The following PKHD1 variants were observed in gnomAD, a reference collection of about 807,000 sequenced individuals.
PKHD1 encodes fibrocystin.
A neutral mutation model predicts 412.0 loss-of-function variants in PKHD1; 291 were observed. That is an observed-to-expected ratio of 0.71 (90% CI 0.64 to 0.78). The LOEUF is 0.78. Ranked by LOEUF, PKHD1 falls within the 30% of genes least tolerant of loss-of-function variation. The pLI, the probability that PKHD1 is intolerant of heterozygous loss-of-function variation, is 0.00. For missense variants in PKHD1, 4,825 were observed against 4,950.7 expected (o/e 0.97, Z 0.76); for synonymous variants, 1,777 against 1,821.5 (o/e 0.98, Z 0.62).
chr6:51,677,498 C>A (rs1776034030), intron 60 of PKHD1, among the ~76,000 whole-genome samples: 1 of 152,140 alleles, frequency 6.6e-6, no homozygotes, highest in Non-Finnish European at 1.5e-5. Context: ...ACTTCAGGAA[C>A]TACAGATCAT....
intron 61 of PKHD1, among the ~76,000 whole-genome samples, chr6:51,655,058 C>T (rs935863196): frequency 6.6e-6 from 1 of 151,896 alleles, no homozygotes; most frequent in African/African-American, 2.4e-5. Context: ...TGCCATCGAC[C>T]CAATTAAACA....
intron 59 of PKHD1, 79 bp from the exon 60 acceptor site, chr6:51,744,621 T>G (rs979459971): frequency 9.4e-6 from 10 of 1,060,952 alleles, no homozygotes; most frequent in Admixed American, 3.4e-5. Flanking sequence ...AGTGCTAATG[T>G]TGTTTAAAAT....
chr6:51,670,264 G>A (rs1068512), intron 60 of PKHD1, among the ~76,000 whole-genome samples: 75,481 of 151,508 alleles, frequency 0.5, 21,539 homozygotes, highest in Non-Finnish European at 0.65. Context: ...AGGATAGTTA[G>A]CTCTTCTTGT....
chr6:52,015,712 T>C (rs1399954343), intron 34 of PKHD1, among the ~76,000 whole-genome samples: 1 of 151,840 alleles, frequency 6.6e-6, no homozygotes, highest in African/African-American at 2.4e-5. Context: ...TAGTCCCAGC[T>C]ACTCAGGAAG....
At chr6:51,867,617 G>A (rs1287238585) in intron 48 of PKHD1, among the ~76,000 whole-genome samples, 1 of 152,110 alleles carries the variant, frequency 6.6e-6, no homozygotes, top group Non-Finnish European at 1.5e-5. Flanking sequence ...AGCCCAAAAT[G>A]TCAATGAGAG....
Position 52,076,339 on chromosome 6 carries a change from T to G in PKHD1, c.391-6A>C. The G allele has an allele frequency of 6.2e-7, 1 of 1,607,372 alleles. No individual in the cohort carries two copies. Among genetic ancestry groups the G allele is most frequent in the Non-Finnish European group, 8.5e-7 (1 of 1,173,932 alleles). On this transcript the variant is annotated splice_region_variant and splice_polypyrimidine_tract_variant and intron_variant, in intron 5 of 66. Transcript: ENST00000371117. ...GGTGTCTGCGCCTTGGAAAACTGTT[T>G]AGAAAATAGTACCACAAGTGAGCAT... is the stretch of plus-strand genomic sequence containing the variant.
At position 51,919,717 on chromosome 6, in the gene PKHD1, G is replaced by A. The variant is rs534905421; in HGVS notation, c.6122-7141C>T. Among the ~76,000 whole-genome samples the A allele has an allele frequency of 1.2e-3, 180 of 152,238 alleles. 1 individual carries two copies. Among genetic ancestry groups the A allele is most frequent in the Middle Eastern group, 0.01 (3 of 294 alleles). ...GGCATTGAATCTATAACTTACCTTG[G>A]GCAGTATGGCCATTTTCACGATATT... On this transcript the variant is annotated intron_variant, in intron 37 of 66. Coordinates refer to ENST00000371117, the MANE Select transcript of PKHD1 (RefSeq NM_138694.4).
chr6:51,881,489 ATATAAT>A (rs1182613206), intron 46 of PKHD1, among the ~76,000 whole-genome samples: 1 of 152,146 alleles, frequency 6.6e-6, no homozygotes, highest in Non-Finnish European at 1.5e-5. Context: ...CACAGTATAA[ATATAAT>A]TATAACCAAA....
chr6:52,019,667 C>T (rs1202933818), intron 33 of PKHD1, among the ~76,000 whole-genome samples: 1 of 152,212 alleles, frequency 6.6e-6, no homozygotes, highest in Non-Finnish European at 1.5e-5. Flanking sequence ...ACCTTAATCA[C>T]TTTAGCTTTC....
At chr6:51,857,486 A>G (rs1773488408) in intron 48 of PKHD1, among the ~76,000 whole-genome samples, 2 of 152,232 alleles carry the variant, frequency 1.3e-5, no homozygotes, top group African/African-American at 4.8e-5. Context: ...TGAAATCTAG[A>G]TTGGCACTCA....
intron 35 of PKHD1, among the ~76,000 whole-genome samples, chr6:52,003,246 T>C (rs1798654786): frequency 6.6e-6 from 1 of 152,152 alleles, no homozygotes; most frequent in South Asian, 2.1e-4. Context: ...ACTTAAACAT[T>C]AGGGTTGTCT....
Position 52,055,622 on chromosome 6 carries a change from C to A in PKHD1, c.1801G>T (p.Ala601Ser), listed in dbSNP as rs1807595406. ...PRHLVLTPPA[A>S]QKGYRLDQYT... ...TGATCTAGCCGATAGCCCTTCTGGG[C>A]AGCCGGGGGAGTAAGGACAAGGTGT... The change falls in exon 19 of 67, where the codon GCC (alanine) becomes TCC (serine). Residue 601 changes from alanine (A) to serine (S), a missense_variant. Ala to Ser is a moderately conservative substitution (Grantham distance 99). Coordinates refer to ENST00000371117, the MANE Select transcript of PKHD1 (RefSeq NM_138694.4). 6.2e-7 allele frequency: 1 copy of A among 1,614,010 alleles called. No homozygotes were observed. The highest frequency in any genetic ancestry group is 8.5e-7 in the Non-Finnish European group (1 of 1,179,908).
intron 49 of PKHD1, among the ~76,000 whole-genome samples, chr6:51,854,598 T>A (rs1445405696): frequency 1.3e-5 from 2 of 152,094 alleles, no homozygotes; most frequent in African/African-American, 4.8e-5. Context: ...CAGGGAGATA[T>A]GAATTCTGTC....
At chr6:51,930,702 AC>A (rs1333287775) in intron 37 of PKHD1, among the ~76,000 whole-genome samples, 2 of 152,246 alleles carry the variant, frequency 1.3e-5, no homozygotes, top group African/African-American at 4.8e-5. Context: ...AATATTAGGA[AC>A]CAAATGTCTG....
intron 60 of PKHD1, among the ~76,000 whole-genome samples, chr6:51,715,057 C>T (rs983381310): frequency 8.6e-5 from 13 of 151,834 alleles, no homozygotes; most frequent in African/African-American, 2.4e-4. Context: ...AAGTCCACTC[C>T]GGCAGAGTAA....
In PKHD1 at chr6:51,981,847, G is replaced by A. The variant is rs1366898253; in HGVS notation, c.5752-21821C>T. Among the ~76,000 whole-genome samples the A allele has an allele frequency of 6.4e-3, 733 of 115,272 alleles. 4 individuals carry two copies. Among genetic ancestry groups the A allele is most frequent in the African/African-American group, 0.017 (667 of 38,620 alleles). The allele number at this position is 115,272 out of a possible 152,430, so 75.6% of individuals were successfully genotyped here. A position where few individuals can be genotyped will look rare whatever the true frequency, so the allele number is the denominator to read the frequency against. On this transcript the variant is annotated intron_variant, in intron 35 of 66. Coordinates refer to ENST00000371117, the MANE Select transcript of PKHD1 (RefSeq NM_138694.4). ...TGGAAAGTGAGGAGCGTCTCTGCCC[G>A]GCTGCCATCCCATCTAGGAAGCGAG...
At chr6:52,081,187 G>T (rs1811975145) in intron 4 of PKHD1, among the ~76,000 whole-genome samples, 1 of 152,170 alleles carries the variant, frequency 6.6e-6, no homozygotes, top group Non-Finnish European at 1.5e-5. Flanking sequence ...TCATTAGTAT[G>T]TTGGGATAAA....
At chr6:51,745,896 T>G (rs1785132259) in intron 59 of PKHD1, among the ~76,000 whole-genome samples, 1 of 152,164 alleles carries the variant, frequency 6.6e-6, no homozygotes, top group African/African-American at 2.4e-5. Context: ...CCTACTCATG[T>G]TTAGGTACCT....
Position 52,028,427 on chromosome 6 carries a change from T to C in PKHD1, c.3365-76A>G, listed in dbSNP as rs1048066031. 22 of 1,377,294 alleles carry C rather than the reference T, an allele frequency of 1.6e-5. No individual in the cohort carries two copies. In the Middle Eastern group the frequency reaches 7.5e-4, roughly 47 times the overall value. The allele number at this position is 1,377,294 out of a possible 1,614,324, so 85.3% of individuals were successfully genotyped here. A position where few individuals can be genotyped will look rare whatever the true frequency, so the allele number is the denominator to read the frequency against. ...AACCATCTATTCAATTCTAAAACTG[T>C]CTTTTTGGATTAAATTCACAGTCAC... On this transcript the variant is annotated intron_variant, in intron 29 of 66. Coordinates refer to ENST00000371117, the MANE Select transcript of PKHD1 (RefSeq NM_138694.4).
Sources: gnomAD v4.1 joint callset for allele counts (sites outside exome capture counted in the v4.1 genomes callset) on GRCh38, gnomAD v4.1.1 for gene constraint, MANE v1.5 for transcripts, NCBI Gene and HGNC (gene_info 2026-07-23, HGNC 2026-07-21) for gene names.